The following AAR2 variants were observed in gnomAD, a reference collection of about 807,000 sequenced individuals.
AAR2 encodes protein AAR2 homolog.
A neutral mutation model predicts 26.9 loss-of-function variants in AAR2; 31 were observed. The observed-to-expected ratio is 1.15, with a 90% CI of 0.86 to 1.55. The LOEUF (loss-of-function observed/expected upper bound fraction) is 1.55, where lower values mean the gene tolerates loss of function less well. Ranked by LOEUF, AAR2 falls within the 40% of genes most tolerant of loss-of-function variation. The pLI is 0.00. For missense variants in AAR2, 430 were observed against 491.3 expected (o/e 0.88, Z 1.18); for synonymous variants, 188 against 196.1 (o/e 0.96, Z 0.34).
chr20:36,248,882 CTTT>C (rs1177521082), intron 3 of AAR2, among the ~76,000 whole-genome samples: 1 of 142,042 alleles, frequency 7.0e-6, no homozygotes. Context: ...TATTGTAAAA[CTTT>C]TTTTTTTTTT....
At chr20:36,239,677 T>C in intron 1 of AAR2, 144 bp from the exon 2 acceptor site, 5 of 658,156 alleles carry the variant, frequency 7.6e-6, no homozygotes, top group Non-Finnish European at 7.0e-6. Flanking sequence ...TTCTCATCTG[T>C]AAACTCAATG....
At position 36,240,450 on chromosome 20, in the gene AAR2, G is replaced by A. The variant is rs2064668162; in HGVS notation, c.582G>A (p.Arg194=). Residue 194 remains arginine, a synonymous_variant, in exon 2 of 4, where the codon CGG becomes CGA. Transcript: ENST00000320849. ...ECKSYQEGLA[R]LPEMKPRAGT... ...AAAGCTACCAAGAGGGCCTGGCCCG[G>A]CTACCAGAGATGAAGCCCAGAGCCG... 1 of 1,614,086 alleles carries A rather than the reference G, an allele frequency of 6.2e-7. No homozygotes were observed. Among genetic ancestry groups the A allele is most frequent in the Non-Finnish European group, 8.5e-7 (1 of 1,180,052 alleles).
intron 3 of AAR2, among the ~76,000 whole-genome samples, chr20:36,252,125 G>A (rs1235404904): frequency 6.6e-6 from 1 of 152,228 alleles, no homozygotes; most frequent in Non-Finnish European, 1.5e-5. Flanking sequence ...GGTCTGAGCA[G>A]TTCATGTCAC....
At position 36,239,887 on chromosome 20, in the gene AAR2, G is replaced by T; in HGVS notation, c.19G>T (p.Asp7Tyr). MAAVQM[D>Y]PELAKRLFFE... ...TGGCCCCATGGCTGCCGTGCAGATG[G>T]ATCCTGAGCTAGCCAAGCGCCTCTT... Residue 7 changes from aspartate (D) to tyrosine (Y), a missense_variant, in exon 2 of 4, where the codon GAT (aspartate) becomes TAT (tyrosine). Physicochemically the swap from Asp to Tyr is radical, Grantham distance 160. Transcript: ENST00000320849. The T allele has an allele frequency of 6.3e-7, 1 of 1,597,108 alleles. No homozygotes were observed.
In AAR2 at chr20:36,248,727, A is replaced by G. The variant is rs147555461; in HGVS notation, c.987+3801A>G. Among the ~76,000 whole-genome samples, 553 of 152,296 alleles carry G rather than the reference A, an allele frequency of 3.6e-3. 4 individuals carry two copies. The highest frequency in any genetic ancestry group is 0.02 in the Middle Eastern group (6 of 294). The stretch of plus-strand genomic sequence containing the variant: ...AGGTATAAACAGTGGAGTCTGATCA[A>G]AGGGCGTTAGGAGCACCAAAGAGGG... On this transcript the variant is annotated intron_variant, in intron 3 of 3. Coordinates refer to ENST00000320849, the MANE Select transcript of AAR2 (RefSeq NM_001271874.2).
In AAR2 at chr20:36,244,927, G is replaced by T; in HGVS notation, c.987+1G>T. ...CAACTTCCTCACCAGCACCTTACAG[G>T]TGAGCAGTCTTTCTGACTGAGCTGA... On this transcript the variant is annotated splice_donor_variant, in intron 3 of 3. Transcript: ENST00000320849. LOFTEE classifies it high-confidence loss of function. 6.2e-7 allele frequency: 1 copy of T among 1,611,976 alleles called. No individual in the cohort carries two copies. Among genetic ancestry groups the T allele is most frequent in the African/African-American group, 1.3e-5 (1 of 74,972 alleles).
intron 3 of AAR2, among the ~76,000 whole-genome samples, chr20:36,245,360 C>T (rs1225913691): frequency 6.6e-6 from 1 of 152,198 alleles, no homozygotes; most frequent in South Asian, 2.1e-4. Flanking sequence ...ACAAAATGTG[C>T]CAGTTTCTGC....
At position 36,236,508 on chromosome 20, in the gene AAR2, G is replaced by C. The variant is rs2064606063; in HGVS notation, c.-49+5G>C. ...ACCGGAACGTGGGGCGAGGCGGTGA[G>C]TGTGGCCTCCTGGCCTCTTTTTCCT... On this transcript the variant is annotated splice_donor_5th_base_variant and intron_variant, in intron 1 of 3. Coordinates refer to ENST00000320849, the MANE Select transcript of AAR2 (RefSeq NM_001271874.2). 6.6e-6 allele frequency: 1 copy of C among 152,272 alleles called. No individual in the cohort carries two copies. Among genetic ancestry groups the C allele is most frequent in the Non-Finnish European group, 1.5e-5 (1 of 68,074 alleles). 9.4% of individuals were successfully genotyped at this position (152,272 alleles called of 1,614,324 possible).
intron 3 of AAR2, among the ~76,000 whole-genome samples, chr20:36,246,833 T>G (rs2064738595): frequency 6.6e-6 from 1 of 152,214 alleles, no homozygotes. Flanking sequence ...TCGATGTCAT[T>G]ATTTGGAAAA....
In AAR2 at chr20:36,240,300, A is replaced by G; in HGVS notation, c.432A>G (p.Thr144=). ...ISLTNFISEA[T]VEKLQPENRQ... ...TCACCAACTTCATCAGCGAAGCCAC[A>G]GTGGAGAAGCTACAGCCCGAGAATC... Residue 144 remains threonine, a synonymous_variant, in exon 2 of 4, where the codon ACA becomes ACG. Coordinates refer to ENST00000320849, the MANE Select transcript of AAR2 (RefSeq NM_001271874.2). The G allele has an allele frequency of 2.5e-6, 4 of 1,614,226 alleles. No homozygotes were observed. Among genetic ancestry groups the G allele is most frequent in the African/African-American group, 1.3e-5 (1 of 75,058 alleles).
intron 3 of AAR2, among the ~76,000 whole-genome samples, chr20:36,248,536 C>T (rs570258748): frequency 1.3e-4 from 20 of 152,202 alleles, no homozygotes; most frequent in Admixed American, 3.3e-4. Context: ...TGAGGTTTCG[C>T]CATGTTGGCC....
In AAR2 at chr20:36,240,291, CGAAGCCACAGTGGA is replaced by C. The variant is rs748581464; in HGVS notation, c.429_442del (p.Val145AlafsTer35). The C allele has an allele frequency of 6.2e-7, 1 of 1,614,198 alleles. No individual in the cohort carries two copies. The highest frequency in any genetic ancestry group is 8.5e-7 in the Non-Finnish European group (1 of 1,180,036). On this transcript the variant is annotated frameshift_variant, in exon 2 of 4. Transcript: ENST00000320849. LOFTEE classifies it high-confidence loss of function. ...GGATCTCACTCACCAACTTCATCAGCGAAGCCACAGTGGAGAAGCTACAGCCCGAGAATCGACAG... is the reference window on the plus strand; with the variant it reads ...GGATCTCACTCACCAACTTCATCAGCGAAGCTACAGCCCGAGAATCGACAG...
At position 36,255,034 on chromosome 20, in the gene AAR2, G is replaced by T. The variant is rs116964908; in HGVS notation, c.988-544G>T. Among the ~76,000 whole-genome samples, 3 of 152,126 alleles carry T rather than the reference G, an allele frequency of 2.0e-5. No individual in the cohort carries two copies. The South Asian group carries it at 6.2e-4, about 31-fold the overall frequency. ...TATCACTTTGCATCATCATAAAGTC[G>T]AAGTGTCATAAATTGAATGTAAGTC... On this transcript the variant is annotated intron_variant, in intron 3 of 3. Transcript: ENST00000320849.
intron 2 of AAR2, among the ~76,000 whole-genome samples, chr20:36,244,390 T>G (rs555983613): frequency 6.6e-5 from 10 of 152,336 alleles, no homozygotes; most frequent in African/African-American, 2.4e-4. Context: ...ATAATATCCA[T>G]GAACACATTT....
intron 3 of AAR2, among the ~76,000 whole-genome samples, chr20:36,254,940 A>T (rs906872018): frequency 1.2e-4 from 19 of 152,244 alleles, no homozygotes; most frequent in Admixed American, 1.2e-3. Flanking sequence ...GAAGTGTTGA[A>T]TATCTCATGT....
rs716431 is a variant in AAR2 at position 36,240,537 on chromosome 20, T to C, written c.669T>C (p.Ala223=). The part of the protein sequence containing the change: ...TQMFPEGATP[A]EITKHSMDLS... ...TGTTCCCAGAGGGTGCCACGCCAGC[T>C]GAGATAACCAAGCACAGCATGGACC... is the stretch of plus-strand genomic sequence containing the variant. The change falls in exon 2 of 4, where the codon GCT becomes GCC. Residue 223 remains alanine, a synonymous_variant. Transcript: ENST00000320849. The C allele has an allele frequency of 0.027, 44,159 of 1,613,736 alleles. 7,712 individuals carry two copies. In the African/African-American group the frequency reaches 0.44, roughly 16 times the overall value.
At chr20:36,238,206 A>C (rs1282641412) in intron 1 of AAR2, among the ~76,000 whole-genome samples, 2 of 152,202 alleles carry the variant, frequency 1.3e-5, no homozygotes, top group Non-Finnish European at 2.9e-5. Context: ...AGAAAACAGT[A>C]CTTAGCTTTA....
chr20:36,255,510 A>G lies in AAR2; in HGVS notation c.988-68A>G, dbSNP rs753356377. 7.7e-5 allele frequency: 121 copies of G among 1,579,788 alleles called. 1 individual carries two copies. The Admixed American group carries it at 1.5e-3, about 19-fold the overall frequency. ...CAGAAGAGCCGAACACCATGAGGAA[A>G]TTTCCACAGCTTTCTCGCCCCCTGC... is the stretch of plus-strand genomic sequence containing the variant. On this transcript the variant is annotated intron_variant, in intron 3 of 3. Coordinates refer to ENST00000320849, the MANE Select transcript of AAR2 (RefSeq NM_001271874.2).
chr20:36,255,867 A>T lies in AAR2; in HGVS notation c.*122A>T, dbSNP rs1601189181. 8.1e-7 allele frequency: 1 copy of T among 1,228,872 alleles called. No homozygotes were observed. Among genetic ancestry groups the T allele is most frequent in the East Asian group, 2.5e-5 (1 of 39,754 alleles). 76.1% of individuals were successfully genotyped at this position (1,228,872 alleles called of 1,614,324 possible). A position where few individuals can be genotyped will look rare whatever the true frequency, so the allele number is the denominator to read the frequency against. On this transcript the variant is annotated 3_prime_UTR_variant, in exon 4 of 4. Transcript: ENST00000320849. ...AGCAATCTCTCCAGGTCCTGCAAAGATGGAGCCAGAATTCCCTTTTTCACT... is the reference window on the plus strand; with the variant it reads ...AGCAATCTCTCCAGGTCCTGCAAAGTTGGAGCCAGAATTCCCTTTTTCACT...
Sources: gnomAD v4.1 joint callset for allele counts (sites outside exome capture counted in the v4.1 genomes callset) on GRCh38, gnomAD v4.1.1 for gene constraint, MANE v1.5 for transcripts, NCBI Gene and HGNC (gene_info 2026-07-23, HGNC 2026-07-21) for gene names.